Variants in APC observed in about 807,000 individuals in gnomAD.
The protein encoded by APC is APC regulator of Wnt signaling pathway.
Under a neutral mutation model 247.0 loss-of-function variants are expected in APC, and 72 were observed. The ratio of observed to expected loss-of-function variants is 0.29; its 90% CI spans 0.24 to 0.35. The LOEUF (loss-of-function observed/expected upper bound fraction) is 0.35, where lower values mean the gene tolerates loss of function less well. APC is among the 10% of genes least tolerant of loss of function. The probability of loss-of-function intolerance (pLI) is 1.00; values close to 1 mark genes in which losing one functional copy is unlikely to be tolerated. For missense variants in APC, 3,400 were observed against 3,360.7 expected (o/e 1.01, Z -0.29); for synonymous variants, 1,254 against 1,162.5 (o/e 1.08, Z -1.60).
intron 1 of APC, among the ~76,000 whole-genome samples, chr5:112,724,267 T>A (rs773584798): frequency 1.3e-5 from 2 of 151,856 alleles, no homozygotes; most frequent in Non-Finnish European, 2.9e-5. Flanking sequence ...AGAAAAAGCT[T>A]GTTGTTCAGA....
chr5:112,781,763 A>AT (rs571711088), intron 6 of APC, among the ~76,000 whole-genome samples: 9,622 of 143,252 alleles, frequency 0.067, 617 homozygotes, highest in African/African-American at 0.16. Flanking sequence ...AAACATAATG[A>AT]TTTTTTTTTT....
chr5:112,792,110 G>T (rs1759677036), intron 6 of APC, among the ~76,000 whole-genome samples: 1 of 152,160 alleles, frequency 6.6e-6, no homozygotes, highest in Non-Finnish European at 1.5e-5. Flanking sequence ...GCTGGGCGTG[G>T]TGGTGCGCGC....
At chr5:112,783,197 A>G (rs1758541946) in intron 6 of APC, among the ~76,000 whole-genome samples, 1 of 152,148 alleles carries the variant, frequency 6.6e-6, no homozygotes, top group Non-Finnish European at 1.5e-5. Flanking sequence ...GACATTTTAT[A>G]TCCCTGAGGA....
intron 10 of APC, among the ~76,000 whole-genome samples, chr5:112,819,892 C>T (rs938989520): frequency 2.4e-4 from 36 of 152,100 alleles, no homozygotes; most frequent in African/African-American, 8.5e-4. Flanking sequence ...TTAACCATGG[C>T]CTCACACCTA....
rs145410972 is a variant in APC at position 112,764,710 on chromosome 5, T to C, written c.136-1616T>C. 2.5e-3 allele frequency among the ~76,000 whole-genome samples: 381 copies of C among 152,260 alleles called. 2 individuals carry two copies. The highest frequency in any genetic ancestry group is 4.6e-3 in the Admixed American group (70 of 15,296). ...TAACTGCTCAAGGGTAGTTGTTGAA[T>C]TGTGAGACCGGAAGCCTGAGAAATA... On this transcript the variant is annotated intron_variant, in intron 2 of 15. Coordinates refer to ENST00000257430, the MANE Select transcript of APC (RefSeq NM_000038.6).
intron 2 of APC, among the ~76,000 whole-genome samples, chr5:112,762,768 G>T (rs1331122916): frequency 6.6e-6 from 1 of 152,180 alleles, no homozygotes; most frequent in Non-Finnish European, 1.5e-5. Flanking sequence ...TTACATGGGT[G>T]TGAAAATTCA....
At position 112,826,565 on chromosome 5, in the gene APC, T is replaced by A. The variant is rs369884828; in HGVS notation, c.1409-543T>A. 4.7e-5 allele frequency among the ~76,000 whole-genome samples: 7 copies of A among 149,170 alleles called. No individual in the cohort carries two copies. The East Asian group carries it at 7.9e-4, about 17-fold the overall frequency. On this transcript the variant is annotated intron_variant, in intron 11 of 15. Transcript: ENST00000257430. Reference sequence around the variant, plus strand: ...AGTAGTTTTATATAACTTAATAAATTGAACAGATGATCATTTTTTGTAAAA... The same window carrying A: ...AGTAGTTTTATATAACTTAATAAATAGAACAGATGATCATTTTTTGTAAAA...
intron 8 of APC, among the ~76,000 whole-genome samples, chr5:112,814,401 C>T (rs534284616): frequency 2.6e-5 from 4 of 152,204 alleles, no homozygotes; most frequent in East Asian, 3.9e-4. Flanking sequence ...TCTGGGTTTC[C>T]GATATCCATT....
At chr5:112,714,746 CTCT>C (rs1751059594) in intron 1 of APC, among the ~76,000 whole-genome samples, 1 of 152,182 alleles carries the variant, frequency 6.6e-6, no homozygotes, top group South Asian at 2.1e-4. Flanking sequence ...AGTTTATTAT[CTCT>C]TCTATCATGC....
intron 4 of APC, among the ~76,000 whole-genome samples, chr5:112,769,249 C>G (rs916691112): frequency 6.6e-6 from 1 of 151,912 alleles, no homozygotes; most frequent in Non-Finnish European, 1.5e-5. Flanking sequence ...TGGGATTTCA[C>G]CATGTTGGCC....
At chr5:112,798,162 A>G (rs2149702037) in intron 7 of APC, among the ~76,000 whole-genome samples, 1 of 152,370 alleles carries the variant, frequency 6.6e-6, no homozygotes, top group South Asian at 2.1e-4. Context: ...AATAGCCTCA[A>G]AGGAGAAGCA....
intron 7 of APC, among the ~76,000 whole-genome samples, chr5:112,800,628 A>T (rs1459461306): frequency 6.6e-6 from 1 of 151,912 alleles, no homozygotes. Context: ...TTATTTCTTT[A>T]ATTTTGTGGT....
At chr5:112,817,403 T>TTTA (rs1762622789) in intron 9 of APC, among the ~76,000 whole-genome samples, 1 of 152,184 alleles carries the variant, frequency 6.6e-6, no homozygotes, top group African/African-American at 2.4e-5. Flanking sequence ...CTTAATCCTG[T>TTTA]TTATACTTCT....
intron 8 of APC, among the ~76,000 whole-genome samples, chr5:112,813,044 A>G (rs1489829001): frequency 6.6e-6 from 1 of 152,068 alleles, no homozygotes; most frequent in East Asian, 1.9e-4. Context: ...GCCACTCTGG[A>G]CTCTGAACTA....
At chr5:112,762,822 C>T (rs1247825916) in intron 2 of APC, among the ~76,000 whole-genome samples, 4 of 152,100 alleles carry the variant, frequency 2.6e-5, no homozygotes, top group Non-Finnish European at 2.9e-5. Context: ...TGTGTTGTGC[C>T]TCAATAAAAC....
At chr5:112,737,583 G>A (rs1752475347), upstream of APC, among the ~76,000 whole-genome samples, 1 of 152,168 alleles carries the variant, frequency 6.6e-6, no homozygotes, top group East Asian at 1.9e-4. Flanking sequence ...CTGCCCTGCG[G>A]ACCTCCCCCG....
intron 4 of APC, among the ~76,000 whole-genome samples, chr5:112,771,952 C>G (rs1030285007): frequency 3.3e-5 from 5 of 152,072 alleles, no homozygotes; most frequent in Non-Finnish European, 7.4e-5. Context: ...GTAAAGTGAT[C>G]ATGAGAATAA....
intron 1 of APC, among the ~76,000 whole-genome samples, chr5:112,751,484 T>C (rs1416904880): frequency 6.6e-6 from 1 of 152,064 alleles, no homozygotes; most frequent in Non-Finnish European, 1.5e-5. Context: ...AAGAAACGTC[T>C]TTCCATTTGT....
At chr5:112,769,520 T>C (rs1561468756) in intron 4 of APC, among the ~76,000 whole-genome samples, 1 of 151,636 alleles carries the variant, frequency 6.6e-6, no homozygotes, top group Non-Finnish European at 1.5e-5. Flanking sequence ...CTTCGTCAAA[T>C]GTTTTATGTC....
Sources: allele counts gnomAD v4.1 joint callset (sites outside exome capture counted in the v4.1 genomes callset), GRCh38; gene constraint gnomAD v4.1.1; transcripts MANE v1.5; gene names NCBI Gene and HGNC (gene_info 2026-07-23, HGNC 2026-07-21).